Variants in ATP2B2 observed in about 807,000 individuals in gnomAD.
ATP2B2 encodes the protein plasma membrane calcium-transporting ATPase 2.
ATP2B2 carries 15 observed loss-of-function variants against 120.0 expected under a neutral mutation model. The ratio of observed to expected loss-of-function variants is 0.12; its 90% CI spans 0.08 to 0.19. The LOEUF (loss-of-function observed/expected upper bound fraction) is 0.19. ATP2B2 is among the 10% of genes least tolerant of loss of function. The pLI, the probability that ATP2B2 is intolerant of heterozygous loss-of-function variation, is 1.00. For synonymous variants in ATP2B2, 694 were observed against 700.3 expected (o/e 0.99, Z 0.14); for missense variants, 1,045 against 1,719.8 (o/e 0.61, Z 6.94).
intron 5 of ATP2B2, among the ~76,000 whole-genome samples, chr3:10,398,247 A>G (rs749765930): frequency 2.6e-5 from 4 of 152,094 alleles, no homozygotes; most frequent in Admixed American, 2.0e-4. Flanking sequence ...ACCAGCACGA[A>G]CCCACTGAGA....
In ATP2B2 at chr3:10,343,595, C is replaced by T. The variant is rs1368894744; in HGVS notation, c.2704-630G>A. Among the ~76,000 whole-genome samples the T allele has an allele frequency of 6.6e-6, 1 of 152,132 alleles. No individual in the cohort carries two copies. On this transcript the variant is annotated intron_variant, in intron 18 of 22. Transcript: ENST00000360273. This position sits in a 1 kb window ranked among gnomAD's most constrained non-coding sequence, Gnocchi z 4.2. Reference sequence around the variant, plus strand: ...AGGTTCTGGGAGGGACCCTTTCAGACCTGTCTCTTTGGCTGAGAGGAGCTG... The same window carrying T: ...AGGTTCTGGGAGGGACCCTTTCAGATCTGTCTCTTTGGCTGAGAGGAGCTG...
chr3:10,549,956 T>A (rs1448392731), intron 2 of ATP2B2, among the ~76,000 whole-genome samples: 1 of 152,234 alleles, frequency 6.6e-6, no homozygotes, highest in Non-Finnish European at 1.5e-5. Context: ...AGAGGTTAAG[T>A]CACCTGCTTA....
Position 10,693,567 on chromosome 3 carries a change from C to T in ATP2B2, c.-460+14348G>A, listed in dbSNP as rs116214503. Among the ~76,000 whole-genome samples, 799 of 152,350 alleles carry T rather than the reference C, an allele frequency of 5.2e-3. 4 individuals carry two copies. The highest frequency in any genetic ancestry group is 0.016 in the African/African-American group (671 of 41,582). ...CCTTTGCTATTTTTAAAACAAATGGCGTAACAAACGCCTGATTCTGCTTCT... is the reference window on the plus strand; with the variant it reads ...CCTTTGCTATTTTTAAAACAAATGGTGTAACAAACGCCTGATTCTGCTTCT... On this transcript the variant is annotated intron_variant, in intron 1 of 21. Transcript: ENST00000646379.
At chr3:10,608,397 C>T (rs1407126524) in intron 2 of ATP2B2, among the ~76,000 whole-genome samples, 1 of 152,206 alleles carries the variant, frequency 6.6e-6, no homozygotes, top group Non-Finnish European at 1.5e-5. Flanking sequence ...GCACTCCAGC[C>T]TGGGCCACAT....
chr3:10,494,210 G>A (rs1174241400), intron 1 of ATP2B2, among the ~76,000 whole-genome samples: 1 of 151,962 alleles, frequency 6.6e-6, no homozygotes, highest in African/African-American at 2.4e-5. Flanking sequence ...GATGGTGAAA[G>A]GTGCTCCCTC....
intron 2 of ATP2B2, among the ~76,000 whole-genome samples, chr3:10,579,400 C>T (rs1031281152): frequency 3.9e-5 from 6 of 152,190 alleles, no homozygotes; most frequent in Non-Finnish European, 5.9e-5. Flanking sequence ...GGGCCCAGTG[C>T]GGTGGCTCAC....
At chr3:10,467,214 C>G (rs1310814305) in intron 1 of ATP2B2, among the ~76,000 whole-genome samples, 1 of 152,192 alleles carries the variant, frequency 6.6e-6, no homozygotes, top group Non-Finnish European at 1.5e-5. Context: ...GAGTAATATT[C>G]TGGCCACTGA....
At position 10,587,752 on chromosome 3, in the gene ATP2B2, TTTG is replaced by T. The variant is rs1221984805; in HGVS notation, c.-415+32162_-415+32164del. ...AAAGCAAGTGTTTCTGGTTTTTTTG[TTTG>T]TTTGTTTGTTTGTTTGTTTGTTTCT... On this transcript the variant is annotated intron_variant, in intron 2 of 21. Transcript: ENST00000646379. 1.7e-3 allele frequency among the ~76,000 whole-genome samples: 46 copies of T among 27,712 alleles called. No homozygotes were observed. The South Asian group carries it at 0.024, about 15-fold the overall frequency. 18.2% of individuals were successfully genotyped at this position (27,712 alleles called of 152,430 possible). A position where few individuals can be genotyped will look rare whatever the true frequency, so the allele number is the denominator to read the frequency against.
chr3:10,445,526 T>G (rs1390998480), intron 2 of ATP2B2, among the ~76,000 whole-genome samples: 2 of 152,140 alleles, frequency 1.3e-5, no homozygotes, highest in Non-Finnish European at 2.9e-5. Context: ...GGGGGCAGGT[T>G]TACCCAACAG....
rs2059884900 is a variant in ATP2B2, at chr3:10,327,826, G to C, written c.*988C>G. ...ACTCGGTAGCATTTGGCTTCTGCCT[G>C]AGCCTCTCACGGTAGTGACATTATT... On this transcript the variant is annotated 3_prime_UTR_variant, in exon 23 of 23. Coordinates refer to ENST00000360273, the MANE Select transcript of ATP2B2 (RefSeq NM_001001331.4). 6.6e-6 allele frequency: 1 copy of C among 152,640 alleles called. No homozygotes were observed. Among genetic ancestry groups the C allele is most frequent in the Admixed American group, 6.5e-5 (1 of 15,280 alleles). The allele number at this position is 152,640 out of a possible 1,614,324, so 9.5% of individuals were successfully genotyped here.
At position 10,405,409 on chromosome 3, in the gene ATP2B2, C is replaced by T. The variant is rs189178641; in HGVS notation, c.398-3061G>A. On this transcript the variant is annotated intron_variant, in intron 3 of 22. Coordinates refer to ENST00000360273, the MANE Select transcript of ATP2B2 (RefSeq NM_001001331.4). ...TCCAGAGAACTGTCTGCTCGTCACGCGGTGCCAAGGGATGACTAGAAAGTG... is the reference window on the plus strand; with the variant it reads ...TCCAGAGAACTGTCTGCTCGTCACGTGGTGCCAAGGGATGACTAGAAAGTG... Among the ~76,000 whole-genome samples, 37 of 152,286 alleles carry T rather than the reference C, an allele frequency of 2.4e-4. No individual in the cohort carries two copies. In the East Asian group the frequency reaches 6.4e-3, roughly 26 times the overall value.
intron 2 of ATP2B2, among the ~76,000 whole-genome samples, chr3:10,592,926 G>A (rs1366964406): frequency 6.6e-6 from 1 of 152,132 alleles, no homozygotes; most frequent in Non-Finnish European, 1.5e-5. Context: ...GGGACTACAG[G>A]TATGCACCAC....
chr3:10,450,395 C>T (rs1026909890), intron 1 of ATP2B2, among the ~76,000 whole-genome samples: 1 of 152,080 alleles, frequency 6.6e-6, no homozygotes. Context: ...CACTCTCCCC[C>T]AAATACACGG....
intron 2 of ATP2B2, among the ~76,000 whole-genome samples, chr3:10,557,341 C>T (rs147486066): frequency 4.5e-4 from 69 of 152,352 alleles, no homozygotes; most frequent in African/African-American, 1.6e-3. Context: ...GTCAAGCTGC[C>T]GATGCTTTGC....
At chr3:10,688,058 T>C (rs1376019029) in intron 1 of ATP2B2, among the ~76,000 whole-genome samples, 1 of 152,192 alleles carries the variant, frequency 6.6e-6, no homozygotes, top group Non-Finnish European at 1.5e-5. Flanking sequence ...ATTAAATTCT[T>C]ACCATGACCC....
chr3:10,346,161 G>A lies in ATP2B2; in HGVS notation c.2405-24C>T. ...GCCTGTTGGGGCAGGAGTGTGCTCA[G>A]GCCCTGGGCCACTCAGGTGGGAGGC... On this transcript the variant is annotated intron_variant, in intron 16 of 22. Coordinates refer to ENST00000360273, the MANE Select transcript of ATP2B2 (RefSeq NM_001001331.4). The surrounding 1 kb of genome is among the most constrained non-coding windows in gnomAD (Gnocchi z 4.1). 6.2e-7 allele frequency: 1 copy of A among 1,605,170 alleles called. No homozygotes were observed. Among genetic ancestry groups the A allele is most frequent in the Non-Finnish European group, 8.5e-7 (1 of 1,178,342 alleles).
At chr3:10,690,476 C>CTATCTATCTATA (rs557043167) in intron 1 of ATP2B2, among the ~76,000 whole-genome samples, 397 of 150,428 alleles carry the variant, frequency 2.6e-3, no homozygotes, top group East Asian at 0.014. Context: ...ATCTATCTAT[C>CTATCTATCTATA]TATATATCTC....
At chr3:10,459,089 C>G (rs372257951) in intron 1 of ATP2B2, among the ~76,000 whole-genome samples, 3 of 152,182 alleles carry the variant, frequency 2.0e-5, no homozygotes, top group Admixed American at 6.5e-5. Flanking sequence ...CAGGTCAAGT[C>G]GTGCTTGGCT....
chr3:10,510,050 G>A (rs1205486847), upstream of ATP2B2, among the ~76,000 whole-genome samples: 3 of 152,232 alleles, frequency 2.0e-5, no homozygotes, highest in Admixed American at 2.0e-4. Flanking sequence ...CGGAGAGTAG[G>A]TGGCTTCCAA....
Sources: allele counts gnomAD v4.1 joint callset (sites outside exome capture counted in the v4.1 genomes callset), GRCh38; gene constraint gnomAD v4.1.1; non-coding constraint Gnocchi (gnomAD v3.1); transcripts MANE v1.5; gene names NCBI Gene and HGNC (gene_info 2026-07-23, HGNC 2026-07-21).